CUX2: variants seen among roughly 807,000 people sequenced by gnomAD.
The protein encoded by CUX2 is cut like homeobox 2.
CUX2 carries 40 observed loss-of-function variants against 144.8 expected under a neutral mutation model. That is an observed-to-expected ratio of 0.28 (90% CI 0.21 to 0.36). The LOEUF (loss-of-function observed/expected upper bound fraction) is 0.36. Ranked by LOEUF, CUX2 falls within the 10% of genes least tolerant of loss-of-function variation. The pLI, the probability that CUX2 is intolerant of heterozygous loss-of-function variation, is 1.00. For missense variants in CUX2, 1,615 were observed against 1,994.0 expected, an observed-to-expected ratio of 0.81 and a Z score of 3.62; for synonymous variants, 827 against 875.6, an observed-to-expected ratio of 0.94 and a Z score of 0.98.
At chr12:111,242,567 A>G (rs1883076720) in intron 3 of CUX2, among the ~76,000 whole-genome samples, 1 of 152,112 alleles carries the variant, frequency 6.6e-6, no homozygotes, top group African/African-American at 2.4e-5. Context: ...TAATCCCAGC[A>G]GTTTGGGAGA....
Position 111,214,260 on chromosome 12 carries a change from C to T in CUX2, c.124C>T (p.His42Tyr), listed in dbSNP as rs771589519. 8.1e-6 allele frequency: 13 copies of T among 1,607,654 alleles called. No homozygotes were observed. Among genetic ancestry groups the T allele is most frequent in the Non-Finnish European group, 1.0e-5 (12 of 1,177,960 alleles). ...SARQEESEHS[H>Y]KHLIELRREF... Reference sequence around the variant, plus strand: ...ACGGCAGGAGGAGAGTGAACATTCTCATAAACATTTAATTGAACTCCGCCG... The same window carrying T: ...ACGGCAGGAGGAGAGTGAACATTCTTATAAACATTTAATTGAACTCCGCCG... Residue 42 changes from histidine (H) to tyrosine (Y), a missense_variant, in exon 2 of 22, where the codon CAT becomes TAT. By Grantham distance (83) the His-to-Tyr change is moderately conservative (BLOSUM62 2). Around this residue, in one of 12 missense-constraint regions of CUX2, gnomAD observed 64 missense variants for 64.9 expected, o/e 0.99. Transcript: ENST00000261726.
At position 111,277,170 on chromosome 12, in the gene CUX2, T is replaced by G. The variant is rs1019125404; in HGVS notation, c.301+13331T>G. Among the ~76,000 whole-genome samples the G allele has an allele frequency of 2.6e-5, 4 of 152,038 alleles. No individual in the cohort carries two copies. The highest frequency in any genetic ancestry group is 9.7e-5 in the African/African-American group (4 of 41,396). ...GGGATGAAGCCCAGAAACTCACATA[T>G]GGAGGGCCGCAGCCCACTCTGAACC... On this transcript the variant is annotated intron_variant, in intron 4 of 21. Coordinates refer to ENST00000261726, the MANE Select transcript of CUX2 (RefSeq NM_015267.4). The surrounding 1 kb of genome is among the most constrained non-coding windows in gnomAD (Gnocchi z 5.0).
chr12:111,153,312 C>T (rs1298200071), intron 1 of CUX2, among the ~76,000 whole-genome samples: 1 of 152,120 alleles, frequency 6.6e-6, no homozygotes, highest in Non-Finnish European at 1.5e-5. Flanking sequence ...ATAGTGGCGA[C>T]CAAGACAGAT....
At chr12:111,042,345 G>A (rs1002252562) in intron 1 of CUX2, among the ~76,000 whole-genome samples, 4 of 152,212 alleles carry the variant, frequency 2.6e-5, no homozygotes, top group Admixed American at 6.5e-5. Flanking sequence ...TCACTCCTAG[G>A]CCTTGCTGCT....
At chr12:111,256,302 C>A (rs1883815082) in intron 3 of CUX2, among the ~76,000 whole-genome samples, 1 of 152,100 alleles carries the variant, frequency 6.6e-6, no homozygotes, top group Admixed American at 6.5e-5. Context: ...GAACAACCAG[C>A]CTTCAGAGGC....
chr12:111,094,738 T>C (rs1872724411), intron 1 of CUX2, among the ~76,000 whole-genome samples: 1 of 152,192 alleles, frequency 6.6e-6, no homozygotes, highest in African/African-American at 2.4e-5. Flanking sequence ...GTTCAAGTGA[T>C]CTTTCCATCT....
At chr12:111,288,387 G>A (rs1365075349) in intron 4 of CUX2, among the ~76,000 whole-genome samples, 1 of 152,034 alleles carries the variant, frequency 6.6e-6, no homozygotes, top group Non-Finnish European at 1.5e-5. Flanking sequence ...GCACAGAGAG[G>A]TAGAGTCACT....
At chr12:111,083,955 C>G (rs550794566) in intron 1 of CUX2, among the ~76,000 whole-genome samples, 43 of 152,278 alleles carry the variant, frequency 2.8e-4, no homozygotes, top group Middle Eastern at 3.4e-3. Flanking sequence ...GAGTAGAGAG[C>G]AGGGCCATCT....
intron 3 of CUX2, among the ~76,000 whole-genome samples, chr12:111,259,061 GTGTGTGTGTGTT>G (rs1214340327): frequency 6.8e-6 from 1 of 146,666 alleles, no homozygotes; most frequent in Non-Finnish European, 1.5e-5. Context: ...GTGTGTGTGT[GTGTGTGTGTGTT>G]TGTGTGTGTG....
At chr12:111,347,272 C>T (rs939349472) in intron 21 of CUX2, among the ~76,000 whole-genome samples, 8 of 152,148 alleles carry the variant, frequency 5.3e-5, no homozygotes, top group African/African-American at 1.7e-4. Flanking sequence ...TCGGTTCTGC[C>T]ACTTACTAGC....
intron 1 of CUX2, among the ~76,000 whole-genome samples, chr12:111,152,734 C>T (rs1877127026): frequency 2.0e-5 from 3 of 152,310 alleles, no homozygotes; most frequent in South Asian, 2.1e-4. Flanking sequence ...GAACTCGCAA[C>T]GCCTTGGCAG....
chr12:111,260,375 G>A (rs1220663867), intron 3 of CUX2, among the ~76,000 whole-genome samples: 6 of 151,656 alleles, frequency 4.0e-5, no homozygotes, highest in Non-Finnish European at 5.9e-5. Flanking sequence ...GAGGCAGGAG[G>A]ATGGCGTGAA....
rs1202586167 is a variant in CUX2 at position 111,034,521 on chromosome 12, G to A, written c.63+281G>A. 6.6e-6 allele frequency among the ~76,000 whole-genome samples: 1 copy of A among 151,684 alleles called. No homozygotes were observed. The highest frequency in any genetic ancestry group is 1.5e-5 in the Non-Finnish European group (1 of 67,866). On this transcript the variant is annotated intron_variant, in intron 1 of 21. Transcript: ENST00000261726. The surrounding 1 kb of genome is among the most constrained non-coding windows in gnomAD (Gnocchi z 4.2). ...AGCGGCCGAGCGGCCAGGCGGCCGG[G>A]CGAGGAGCGGGGAAGGCAGGGGCTA...
intron 1 of CUX2, among the ~76,000 whole-genome samples, chr12:111,080,939 G>A (rs549476890): frequency 2.6e-5 from 4 of 152,292 alleles, no homozygotes; most frequent in East Asian, 3.9e-4. Context: ...AAGTGGAGAC[G>A]CTGCTGATAA....
chr12:111,214,331 T>C (rs748468383), intron 2 of CUX2, 21 bp downstream of exon 2: 10 of 1,382,082 alleles, frequency 7.2e-6, no homozygotes, highest in Admixed American at 1.8e-5. Context: ...TTTGCCGTTA[T>C]AGAATTAACT....
At chr12:111,121,652 A>G (rs111670435) in intron 1 of CUX2, among the ~76,000 whole-genome samples, 2,284 of 151,848 alleles carry the variant, frequency 0.015, 52 homozygotes, top group African/African-American at 0.051. Context: ...GTGAGCCACT[A>G]TGCCCGGCCA....
chr12:111,189,023 A>G (rs1879722042), intron 1 of CUX2, among the ~76,000 whole-genome samples: 1 of 152,176 alleles, frequency 6.6e-6, no homozygotes, highest in African/African-American at 2.4e-5. Context: ...GTGGCTCACA[A>G]AATCCCAACA....
intron 4 of CUX2, among the ~76,000 whole-genome samples, chr12:111,269,823 G>T (rs73416616): frequency 0.015 from 2,337 of 152,158 alleles, 65 homozygotes; most frequent in African/African-American, 0.052. Context: ...GAGCAGGAAG[G>T]TCATTCCAAG....
intron 16 of CUX2, among the ~76,000 whole-genome samples, chr12:111,319,458 G>T (rs1197262352): frequency 6.6e-6 from 1 of 152,052 alleles, no homozygotes; most frequent in Non-Finnish European, 1.5e-5. Flanking sequence ...GTCAGGTCAG[G>T]CCGGGCACTG....
Sources: gnomAD v4.1 joint callset for allele counts (sites outside exome capture counted in the v4.1 genomes callset) on GRCh38, gnomAD v4.1.1 for gene constraint, gnomAD v4.1.1 regional missense constraint, Gnocchi (gnomAD v3.1) non-coding constraint, MANE v1.5 for transcripts, NCBI Gene and HGNC (gene_info 2026-07-23, HGNC 2026-07-21) for gene names.